CDC42EP3: variants seen among roughly 807,000 people sequenced by gnomAD.
CDC42EP3 encodes CDC42 effector protein 3.
Under a neutral mutation model 15.5 loss-of-function variants are expected in CDC42EP3, and 4 were observed. That is an observed-to-expected ratio of 0.26 (90% CI 0.13 to 0.59). The LOEUF is 0.59. Ranked by LOEUF, CDC42EP3 falls within the 20% of genes least tolerant of loss-of-function variation. The pLI is 0.89. For missense variants in CDC42EP3, 309 were observed against 311.2 expected (o/e 0.99, Z 0.05); for synonymous variants, 145 against 130.3 (o/e 1.11, Z -0.77).
intron 1 of CDC42EP3, among the ~76,000 whole-genome samples, chr2:37,648,459 C>CA (rs1665548604): frequency 6.6e-6 from 1 of 152,236 alleles, no homozygotes; most frequent in East Asian, 1.9e-4. Flanking sequence ...TGCTCCACCA[C>CA]CCACTGGCTC....
chr2:37,653,785 T>C (rs1409036549), intron 1 of CDC42EP3, among the ~76,000 whole-genome samples: 1 of 152,100 alleles, frequency 6.6e-6, no homozygotes. Context: ...AATTGCATCC[T>C]GCAAAACAGG....
At chr2:37,669,911 C>G (rs1033983790) in intron 1 of CDC42EP3, among the ~76,000 whole-genome samples, 14 of 152,194 alleles carry the variant, frequency 9.2e-5, no homozygotes, top group African/African-American at 3.4e-4. Flanking sequence ...ACTACTCCAA[C>G]TTATTTCTGA....
At chr2:37,667,763 T>G (rs1244689509) in intron 1 of CDC42EP3, among the ~76,000 whole-genome samples, 1 of 152,194 alleles carries the variant, frequency 6.6e-6, no homozygotes, top group East Asian at 1.9e-4. Flanking sequence ...CCAAAAGTCA[T>G]AACAAAAATC....
chr2:37,663,881 G>A (rs996954073), intron 1 of CDC42EP3, among the ~76,000 whole-genome samples: 1 of 152,128 alleles, frequency 6.6e-6, no homozygotes, highest in Non-Finnish European at 1.5e-5. Flanking sequence ...TAGGATAAAA[G>A]CAGGCAGAGG....
At chr2:37,655,326 G>A (rs1382290183) in intron 1 of CDC42EP3, among the ~76,000 whole-genome samples, 2 of 152,140 alleles carry the variant, frequency 1.3e-5, no homozygotes, top group South Asian at 2.1e-4. Flanking sequence ...TTACAACCCT[G>A]ATTATATACA....
chr2:37,647,567 G>A (rs992503575), intron 1 of CDC42EP3: 1 of 152,202 alleles, frequency 6.6e-6, no homozygotes, highest in South Asian at 2.1e-4. Flanking sequence ...TTACAGGCTG[G>A]GCCTTCACTT....
intron 1 of CDC42EP3, among the ~76,000 whole-genome samples, chr2:37,667,760 T>C (rs1018681768): frequency 2.0e-5 from 3 of 152,202 alleles, no homozygotes; most frequent in Non-Finnish European, 2.9e-5. Context: ...AGGCCAAAAG[T>C]CATAACAAAA....
chr2:37,643,973 ATTTTTTTTTTT>A lies in CDC42EP3; in HGVS notation c.*1839_*1849del, dbSNP rs10573780. On this transcript the variant is annotated 3_prime_UTR_variant, in exon 2 of 2. Transcript: ENST00000295324. Reference sequence around the variant, plus strand: ...TTAAACTTTCTTAAAACAGTCTGAGATTTTTTTTTTTTTTTTTTTTTGCAATTTTCTATTTT... The same window carrying A: ...TTAAACTTTCTTAAAACAGTCTGAGATTTTTTTTTTGCAATTTTCTATTTT... 4.1e-5 allele frequency: 5 copies of A among 121,716 alleles called. No individual in the cohort carries two copies. The highest frequency in any genetic ancestry group is 1.1e-4 in the African/African-American group (4 of 35,182). 7.5% of individuals were successfully genotyped at this position (121,716 alleles called of 1,614,324 possible).
chr2:37,654,458 G>C (rs207461662), intron 1 of CDC42EP3, among the ~76,000 whole-genome samples: 1 of 152,064 alleles, frequency 6.6e-6, no homozygotes, highest in South Asian at 2.1e-4. Context: ...GGAGGCCCTA[G>C]AGCTACCAAG....
intron 1 of CDC42EP3, among the ~76,000 whole-genome samples, chr2:37,656,734 CTA>C (rs1376484951): frequency 1.3e-5 from 2 of 152,136 alleles, no homozygotes; most frequent in Non-Finnish European, 2.9e-5. Flanking sequence ...AACCTGAAGA[CTA>C]TGTATCTTGA....
chr2:37,662,921 T>C (rs1666112695), intron 1 of CDC42EP3, among the ~76,000 whole-genome samples: 1 of 152,142 alleles, frequency 6.6e-6, no homozygotes, highest in Non-Finnish European at 1.5e-5. Context: ...TCCCAGCACT[T>C]TGGGAGGCCG....
chr2:37,667,223 T>C lies in CDC42EP3; in HGVS notation c.-236+4203A>G, dbSNP rs896127369. Among the ~76,000 whole-genome samples the C allele has an allele frequency of 1.3e-5, 2 of 152,240 alleles. 1 individual carries two copies. Among genetic ancestry groups the C allele is most frequent in the South Asian group, 4.1e-4 (2 of 4,830 alleles). On this transcript the variant is annotated intron_variant, in intron 1 of 1. Transcript: ENST00000295324. ...CTGAACTGTAACAGGGCTTGACTTCTGCCATGGACACAGCCCAGTGCCTTT... is the reference window on the plus strand; with the variant it reads ...CTGAACTGTAACAGGGCTTGACTTCCGCCATGGACACAGCCCAGTGCCTTT...
rs547624938 is a variant in CDC42EP3 at position 37,652,248 on chromosome 2, A to G, written c.-235-5426T>C. Among the ~76,000 whole-genome samples, 3 of 151,346 alleles carry G rather than the reference A, an allele frequency of 2.0e-5. No homozygotes were observed. In the East Asian group the frequency reaches 5.8e-4, roughly 29 times the overall value. ...TCCAGGAGACTGCTGGTGAATGACC[A>G]ACACATCAGAACAGTCAGCATGAGT... On this transcript the variant is annotated intron_variant, in intron 1 of 1. Transcript: ENST00000295324.
chr2:37,668,674 C>T (rs549981432), intron 1 of CDC42EP3, among the ~76,000 whole-genome samples: 1 of 152,338 alleles, frequency 6.6e-6, no homozygotes, highest in African/African-American at 2.4e-5. Flanking sequence ...TTGCTTACTG[C>T]ACAACTTTGG....
intron 1 of CDC42EP3, among the ~76,000 whole-genome samples, chr2:37,657,306 T>G (rs1475833864): frequency 6.6e-6 from 1 of 152,164 alleles, no homozygotes; most frequent in Non-Finnish European, 1.5e-5. Flanking sequence ...CGAATGCACC[T>G]CACGTAATCC....
At chr2:37,653,142 C>T (rs935165718) in intron 1 of CDC42EP3, among the ~76,000 whole-genome samples, 1 of 152,122 alleles carries the variant, frequency 6.6e-6, no homozygotes, top group Non-Finnish European at 1.5e-5. Context: ...GTTCCTGGGG[C>T]ACTAGAGAGA....
intron 1 of CDC42EP3, among the ~76,000 whole-genome samples, chr2:37,650,955 G>C (rs886539589): frequency 3.9e-5 from 6 of 152,168 alleles, no homozygotes; most frequent in African/African-American, 9.7e-5. Context: ...TAACAAGGCT[G>C]TTCAAACCAG....
intron 1 of CDC42EP3, among the ~76,000 whole-genome samples, chr2:37,653,792 C>G (rs1004059560): frequency 1.3e-5 from 2 of 151,544 alleles, no homozygotes; most frequent in Non-Finnish European, 2.9e-5. Flanking sequence ...TCCTGCAAAA[C>G]AGGTTGCAGT....
At chr2:37,672,397 T>G (rs1404960314), upstream of CDC42EP3, 1 of 152,152 alleles carries the variant, frequency 6.6e-6, no homozygotes, top group East Asian at 1.9e-4. Flanking sequence ...TCAAAAGGAT[T>G]TGCCTAAAGC....
Sources: gnomAD v4.1 joint callset for allele counts (sites outside exome capture counted in the v4.1 genomes callset) on GRCh38, gnomAD v4.1.1 for gene constraint, MANE v1.5 for transcripts, NCBI Gene and HGNC (gene_info 2026-07-23, HGNC 2026-07-21) for gene names.